The following SEC63 variants were observed in gnomAD, a reference collection of about 807,000 sequenced individuals.
SEC63 encodes SEC63 protein translocation regulator, also known as translocation protein SEC63 homolog.
Under a neutral mutation model 116.2 loss-of-function variants are expected in SEC63, and 56 were observed. That is an observed-to-expected ratio of 0.48 (90% confidence interval 0.39 to 0.60). The LOEUF is 0.60. SEC63 is among the 20% of genes least tolerant of loss of function. The pLI, the probability that SEC63 is intolerant of heterozygous loss-of-function variation, is 0.00. For synonymous variants in SEC63, 273 were observed against 294.6 expected (o/e 0.93, Z 0.75); for missense variants, 668 against 900.0 (o/e 0.74, Z 3.30).
chr6:107,937,405 C>A (rs936024018), intron 1 of SEC63, among the ~76,000 whole-genome samples: 3 of 152,214 alleles, frequency 2.0e-5, no homozygotes, highest in African/African-American at 7.2e-5. Context: ...GGATTACAGG[C>A]ATGAGCCACC....
intron 1 of SEC63, among the ~76,000 whole-genome samples, chr6:107,932,598 C>G (rs1417850615): frequency 6.6e-6 from 1 of 152,014 alleles, no homozygotes; most frequent in Non-Finnish European, 1.5e-5. Flanking sequence ...TTTCCACTGT[C>G]AAGAAAAAGG....
At chr6:107,914,488 T>G (rs1787355965) in intron 4 of SEC63, among the ~76,000 whole-genome samples, 1 of 152,182 alleles carries the variant, frequency 6.6e-6, no homozygotes, top group Non-Finnish European at 1.5e-5. Context: ...CTTGAAAATA[T>G]TTTTAAATTT....
intron 4 of SEC63, among the ~76,000 whole-genome samples, chr6:107,917,433 G>T (rs1031572718): frequency 1.3e-5 from 2 of 151,834 alleles, no homozygotes; most frequent in African/African-American, 2.4e-5. Context: ...GACCGAGCTG[G>T]TCTCGGCGGG....
intron 18 of SEC63, among the ~76,000 whole-genome samples, chr6:107,879,339 T>C (rs554136196): frequency 4.4e-4 from 67 of 152,316 alleles, no homozygotes; most frequent in Admixed American, 3.3e-3. Flanking sequence ...AATGTTTTTA[T>C]TTTTGAGACA....
chr6:107,881,915 G>C (rs1786421742), intron 17 of SEC63, among the ~76,000 whole-genome samples: 1 of 152,142 alleles, frequency 6.6e-6, no homozygotes, highest in African/African-American at 2.4e-5. Context: ...TTGATTTAAT[G>C]AATGTATTTT....
At chr6:107,946,480 C>CA (rs1732412182) in intron 1 of SEC63, among the ~76,000 whole-genome samples, 1 of 152,142 alleles carries the variant, frequency 6.6e-6, no homozygotes, top group African/African-American at 2.4e-5. Context: ...GCTGGGATTA[C>CA]AGGTGTGAGC....
intron 16 of SEC63, among the ~76,000 whole-genome samples, chr6:107,890,744 G>C (rs938018109): frequency 6.6e-6 from 1 of 152,172 alleles, no homozygotes; most frequent in African/African-American, 2.4e-5. Flanking sequence ...TCCTTCAGGA[G>C]CTCTCAAAGG....
chr6:107,924,988 A>G (rs1787643933), intron 2 of SEC63, 56 bp from the exon 3 acceptor site: 6 of 1,024,736 alleles, frequency 5.9e-6, no homozygotes, highest in Non-Finnish European at 9.3e-6. Context: ...TAGAGTCTAA[A>G]GACATTATGG....
At chr6:107,903,958 A>G (rs911524248) in intron 11 of SEC63, among the ~76,000 whole-genome samples, 1 of 151,560 alleles carries the variant, frequency 6.6e-6, no homozygotes, top group South Asian at 2.1e-4. Context: ...TCTCTACTAA[A>G]AATACAAAAA....
chr6:107,883,367 T>A, intron 16 of SEC63: 1 of 518,246 alleles, frequency 1.9e-6, no homozygotes, highest in Non-Finnish European at 3.4e-6. Context: ...TGTTAGTTAT[T>A]TTATTCATTC....
intron 1 of SEC63, among the ~76,000 whole-genome samples, chr6:107,948,161 T>A (rs527244299): frequency 6.6e-6 from 1 of 152,064 alleles, no homozygotes; most frequent in African/African-American, 2.4e-5. Context: ...TCCCAAAATA[T>A]AATTATTTAC....
At position 107,871,795 on chromosome 6, in the gene SEC63, G is replaced by C. The variant is rs1246848392; in HGVS notation, c.2192C>G (p.Thr731Arg). The C allele has an allele frequency of 6.2e-7, 1 of 1,613,564 alleles. No homozygotes were observed. The stretch of plus-strand genomic sequence containing the variant: ...CTGGTCTTCATCCCCCTCTATTGCT[G>C]TATCCCACTGTGGGTGATTTTCTGG... ...PVPENHPQWD[T>R]AIEGDEDQED... The change falls in exon 21 of 21, where the codon ACA becomes AGA. Residue 731 changes from threonine (T) to arginine (R), a missense_variant. This residue lies in a region of SEC63 where 85 missense variants were observed against 116.3 expected (regional missense o/e 0.73). Coordinates refer to ENST00000369002, the MANE Select transcript of SEC63 (RefSeq NM_007214.5).
chr6:107,910,536 CATACATAT>C (rs1260263458), intron 7 of SEC63, among the ~76,000 whole-genome samples: 14 of 144,954 alleles, frequency 9.7e-5, no homozygotes, highest in Admixed American at 6.4e-4. Flanking sequence ...ATATGCATGT[CATACATAT>C]ATACATATAT....
intron 2 of SEC63, 125 bp from the exon 3 acceptor site, chr6:107,925,057 C>T (rs1433079980): frequency 1.4e-6 from 1 of 700,122 alleles, no homozygotes; most frequent in Non-Finnish European, 2.6e-6. Context: ...GACTCAAATT[C>T]TACAATCACT....
chr6:107,890,329 T>G (rs1786650753), intron 16 of SEC63, among the ~76,000 whole-genome samples: 1 of 152,358 alleles, frequency 6.6e-6, no homozygotes, highest in South Asian at 2.1e-4. Context: ...GTAATGCCCT[T>G]CATTGTCTCT....
intron 14 of SEC63, among the ~76,000 whole-genome samples, chr6:107,894,462 C>G (rs1370676023): frequency 6.6e-6 from 1 of 151,564 alleles, no homozygotes. Context: ...TTGCTTGACC[C>G]CAAGAGTTTG....
In SEC63 at chr6:107,906,508, C is replaced by T; in HGVS notation, c.901G>A (p.Ala301Thr). The T allele has an allele frequency of 6.2e-7, 1 of 1,613,968 alleles. No homozygotes were observed. Among genetic ancestry groups the T allele is most frequent in the Non-Finnish European group, 8.5e-7 (1 of 1,179,866 alleles). Residue 301 changes from alanine to threonine, a missense_variant, in exon 10 of 21, where the codon GCC becomes ACC. By Grantham distance (58) the Ala-to-Thr change is moderately conservative. Around this residue, in one of 5 missense-constraint regions of SEC63, gnomAD observed 430 missense variants for 557.5 expected, o/e 0.77. Transcript: ENST00000369002. Reference sequence around the variant, plus strand: ...AGATGAGACAGTAAAAGAACTCTGGCCTTCAGGCTATATGGGCAGGTAAGT... The same window carrying T: ...AGATGAGACAGTAAAAGAACTCTGGTCTTCAGGCTATATGGGCAGGTAAGT... ...PPLTCPYSLK[A>T]RVLLLSHLAR...
At chr6:107,894,452 T>A (rs550074968) in intron 14 of SEC63, among the ~76,000 whole-genome samples, 2 of 152,034 alleles carry the variant, frequency 1.3e-5, no homozygotes, top group Non-Finnish European at 1.5e-5. Context: ...GGCAGGAGGA[T>A]TGCTTGACCC....
intron 1 of SEC63, among the ~76,000 whole-genome samples, chr6:107,934,539 G>T (rs1770145530): frequency 6.9e-6 from 1 of 144,234 alleles, no homozygotes; most frequent in Non-Finnish European, 1.5e-5. Context: ...TCTGAGAAGT[G>T]AGGAGCCCCT....
Sources: gnomAD v4.1 joint callset for allele counts (sites outside exome capture counted in the v4.1 genomes callset) on GRCh38, gnomAD v4.1.1 for gene constraint, gnomAD v4.1.1 regional missense constraint, MANE v1.5 for transcripts, NCBI Gene and HGNC (gene_info 2026-07-23, HGNC 2026-07-21) for gene names.